The following CLXN variants were observed in gnomAD, a reference collection of about 807,000 sequenced individuals.
CLXN encodes calaxin, also known as EF-hand calcium binding domain 1.
At chr8:48,735,101 G>C in the CLXN span, 1 of 1,614,170 alleles carries the variant, frequency 6.2e-7, no homozygotes. Flanking sequence ...TACAATGCTT[G>C]CAATTTTTGG....
At chr8:48,722,988 G>C in the CLXN span, among the ~76,000 whole-genome samples, 1 of 152,156 alleles carries the variant, frequency 6.6e-6, no homozygotes, top group African/African-American at 2.4e-5. Flanking sequence ...CCAAGGGCTG[G>C]GGATAGCAGG....
chr8:48,730,503 A>C, the CLXN span: 64 of 1,377,698 alleles, frequency 4.6e-5, no homozygotes, highest in East Asian at 8.2e-4. Flanking sequence ...TATGTTATTC[A>C]TAATGTACGA....
At chr8:48,733,285 G>C in the CLXN span, among the ~76,000 whole-genome samples, 20 of 152,004 alleles carry the variant, frequency 1.3e-4, no homozygotes, top group Admixed American at 3.3e-4. Context: ...TTAAAAACTA[G>C]TTTAATTTAT....
chr8:48,733,919 TAGA>T, the CLXN span, among the ~76,000 whole-genome samples: 2 of 152,210 alleles, frequency 1.3e-5, no homozygotes, highest in African/African-American at 4.8e-5. Flanking sequence ...AGATGTTTAC[TAGA>T]AGAATACCTA....
At chr8:48,720,357 C>T in the CLXN span, among the ~76,000 whole-genome samples, 1 of 152,118 alleles carries the variant, frequency 6.6e-6, no homozygotes, top group East Asian at 1.9e-4. Flanking sequence ...TCATTAAGTT[C>T]TTTTCCTAGC....
the CLXN span, among the ~76,000 whole-genome samples, chr8:48,718,963 T>A: frequency 6.7e-6 from 1 of 148,976 alleles, no homozygotes; most frequent in Middle Eastern, 3.4e-3. Flanking sequence ...AAAGCAGAAA[T>A]AAAACAAATA....
At chr8:48,721,768 C>G in the CLXN span, among the ~76,000 whole-genome samples, 1 of 152,146 alleles carries the variant, frequency 6.6e-6, no homozygotes, top group Non-Finnish European at 1.5e-5. Context: ...TGAAATTGGA[C>G]CCCATCTCAC....
At chr8:48,724,610 T>C in the CLXN span, 1 of 624,806 alleles carries the variant, frequency 1.6e-6, no homozygotes, top group Admixed American at 3.4e-5. Flanking sequence ...TTAAATGATA[T>C]ATGTAAGTGA....
chr8:48,735,061 C>T, the CLXN span: 1 of 1,613,412 alleles, frequency 6.2e-7, no homozygotes, highest in Non-Finnish European at 8.5e-7. Flanking sequence ...GGTCCAGGAG[C>T]CTCGGCCTGT....
At chr8:48,726,517 C>A in the CLXN span, among the ~76,000 whole-genome samples, 1 of 141,298 alleles carries the variant, frequency 7.1e-6, no homozygotes, top group African/African-American at 2.8e-5. Flanking sequence ...TCCATCCATC[C>A]AATCCATCCA....
At chr8:48,724,766 A>G in the CLXN span, 1 of 1,612,096 alleles carries the variant, frequency 6.2e-7, no homozygotes, top group East Asian at 2.2e-5. Context: ...ATTCATTTGG[A>G]TCTTTGAATA....
At chr8:48,729,043 T>A in the CLXN span, 1 of 1,607,358 alleles carries the variant, frequency 6.2e-7, no homozygotes, top group Non-Finnish European at 8.5e-7. Context: ...TATCAATACC[T>A]TTGGATCAGG....
At chr8:48,715,876 T>C in the CLXN span, 39 of 152,396 alleles carry the variant, frequency 2.6e-4, no homozygotes, top group African/African-American at 6.7e-4. Context: ...GATTTTCCAG[T>C]AACCAACCCC....
the CLXN span, among the ~76,000 whole-genome samples, chr8:48,727,204 A>C: frequency 1.6e-5 from 1 of 62,578 alleles, no homozygotes. Context: ...TCACCCATTC[A>C]TCTATCCACT....
At chr8:48,720,514 G>T in the CLXN span, among the ~76,000 whole-genome samples, 1 of 152,094 alleles carries the variant, frequency 6.6e-6, no homozygotes, top group Non-Finnish European at 1.5e-5. Flanking sequence ...TACTAGGGTG[G>T]GGAAAAACTC....
At chr8:48,711,664 G>A in the CLXN span, 2 of 152,178 alleles carry the variant, frequency 1.3e-5, no homozygotes, top group African/African-American at 4.8e-5. Context: ...CAGCCACGAG[G>A]GTCTGCCGGG....
At chr8:48,735,203 A>T in the CLXN span, 24 of 1,605,282 alleles carry the variant, frequency 1.5e-5, no homozygotes, top group Non-Finnish European at 2.0e-5. Context: ...GCGCGCGGCT[A>T]CCGAGACCCT....
the CLXN span, chr8:48,735,067 C>T: frequency 1.2e-6 from 2 of 1,613,782 alleles, no homozygotes; most frequent in Non-Finnish European, 1.7e-6. Flanking sequence ...GGAGCCTCGG[C>T]CTGTCCAGCA....
the CLXN span, among the ~76,000 whole-genome samples, chr8:48,722,714 T>G: frequency 6.6e-6 from 1 of 152,056 alleles, no homozygotes; most frequent in African/African-American, 2.4e-5. Context: ...TAACTCTACA[T>G]TTCACCCCAT....
Sources: gnomAD v4.1 joint callset for allele counts (sites outside exome capture counted in the v4.1 genomes callset) on GRCh38, gnomAD v4.1.1 for gene constraint, MANE v1.5 for transcripts, NCBI Gene and HGNC (gene_info 2026-07-23, HGNC 2026-07-21) for gene names.